The following TMEM272 variants were observed in gnomAD, a reference collection of about 807,000 sequenced individuals.
TMEM272 encodes the protein transmembrane protein 272, also known as long intergenic non-protein coding RNA 282.
In TMEM272, 8 loss-of-function variants were observed where a neutral mutation model predicts 3.7. The ratio of observed to expected loss-of-function variants is 2.17; its 90% CI spans 1.27 to 3.91. The LOEUF (loss-of-function observed/expected upper bound fraction) is 3.91. TMEM272 is among the 30% of genes most tolerant of loss of function. The pLI, the probability that TMEM272 is intolerant of heterozygous loss-of-function variation, is 0.00. For synonymous variants in TMEM272, 63 were observed against 39.8 expected, an observed-to-expected ratio of 1.58 and a Z score of -2.20; for missense variants, 166 against 91.5, an observed-to-expected ratio of 1.81 and a Z score of -3.32.
chr13:51,844,742 T>G (rs954796207), intron 1 of TMEM272, among the ~76,000 whole-genome samples: 1 of 152,128 alleles, frequency 6.6e-6, no homozygotes, highest in Non-Finnish European at 1.5e-5. Flanking sequence ...AGCCGGTAGG[T>G]TGTTTCTAAG....
the TMEM272 span, among the ~76,000 whole-genome samples, chr13:51,864,969 T>C: frequency 5.9e-4 from 90 of 152,362 alleles, no homozygotes; most frequent in African/African-American, 2.0e-3. Context: ...CATAGGCAGA[T>C]AGGAACAATT....
chr13:51,905,032 C>T, the TMEM272 span, among the ~76,000 whole-genome samples: 5 of 152,296 alleles, frequency 3.3e-5, no homozygotes, highest in Admixed American at 3.3e-4. Flanking sequence ...AGCACACCTC[C>T]AGTAGTTACT....
At chr13:51,870,581 A>G in the TMEM272 span, among the ~76,000 whole-genome samples, 1 of 152,236 alleles carries the variant, frequency 6.6e-6, no homozygotes, top group East Asian at 1.9e-4. Context: ...TCAGAAATCC[A>G]CAAGAACAAA....
chr13:51,853,954 T>C, the TMEM272 span, among the ~76,000 whole-genome samples: 1 of 152,250 alleles, frequency 6.6e-6, no homozygotes, highest in Admixed American at 6.5e-5. Context: ...TGAACATGCA[T>C]TACCTTGAAA....
the TMEM272 span, among the ~76,000 whole-genome samples, chr13:51,927,979 C>T: frequency 1.3e-5 from 2 of 152,234 alleles, no homozygotes; most frequent in South Asian, 4.2e-4. Flanking sequence ...GTTTTGAACT[C>T]GGGTCTGCCC....
At chr13:51,864,889 C>T in the TMEM272 span, among the ~76,000 whole-genome samples, 1 of 152,210 alleles carries the variant, frequency 6.6e-6, no homozygotes, top group Non-Finnish European at 1.5e-5. Context: ...TCCTCCTCCC[C>T]TCTGAGGTCA....
the TMEM272 span, chr13:51,865,863 C>A: frequency 1.4e-5 from 23 of 1,613,600 alleles, no homozygotes; most frequent in Non-Finnish European, 1.9e-5. Context: ...GAAGAAAAGG[C>A]CCTGTGGGTA....
chr13:51,826,975 C>A (rs994876865), intron 2 of TMEM272, among the ~76,000 whole-genome samples: 11 of 152,232 alleles, frequency 7.2e-5, no homozygotes, highest in African/African-American at 2.7e-4. Context: ...CTGAGCCAGG[C>A]AGGATTCACC....
At chr13:51,882,953 G>T in the TMEM272 span, among the ~76,000 whole-genome samples, 1 of 152,196 alleles carries the variant, frequency 6.6e-6, no homozygotes, top group African/African-American at 2.4e-5. Flanking sequence ...CTGGTGCCCT[G>T]GCCTGGTTCC....
At chr13:51,914,307 T>C in the TMEM272 span, among the ~76,000 whole-genome samples, 8 of 152,160 alleles carry the variant, frequency 5.3e-5, no homozygotes, top group African/African-American at 1.9e-4. Flanking sequence ...TTAAGCTCGT[T>C]TAATACATAG....
the TMEM272 span, chr13:51,862,208 C>T: frequency 6.6e-6 from 1 of 152,160 alleles, no homozygotes. Context: ...CAGGACTTAC[C>T]CCAGTGGGAA....
At chr13:51,845,321 G>C (rs545614914), upstream of TMEM272, 1 of 152,418 alleles carries the variant, frequency 6.6e-6, no homozygotes, top group South Asian at 2.1e-4. Context: ...TGGAAACATG[G>C]CCGACCCCTT....
At chr13:51,871,132 C>T in the TMEM272 span, among the ~76,000 whole-genome samples, 1 of 152,026 alleles carries the variant, frequency 6.6e-6, no homozygotes, top group Non-Finnish European at 1.5e-5. Context: ...CATCCCCACC[C>T]ACACTGAGTA....
the TMEM272 span, chr13:51,930,543 C>G: frequency 6.6e-6 from 1 of 152,192 alleles, no homozygotes; most frequent in Non-Finnish European, 1.5e-5. Context: ...ACCAAATCAG[C>G]TTCCTCACAC....
chr13:51,887,785 C>T, the TMEM272 span, among the ~76,000 whole-genome samples: 4 of 152,188 alleles, frequency 2.6e-5, no homozygotes, highest in Admixed American at 6.5e-5. Context: ...ACTTCCTTCT[C>T]CTCCCATTCT....
At chr13:51,924,708 C>A in the TMEM272 span, among the ~76,000 whole-genome samples, 1 of 152,152 alleles carries the variant, frequency 6.6e-6, no homozygotes, top group South Asian at 2.1e-4. Context: ...ACTCAGCCTA[C>A]TCATCCCCTT....
chr13:51,905,026 C>T, the TMEM272 span, among the ~76,000 whole-genome samples: 2 of 152,200 alleles, frequency 1.3e-5, no homozygotes, highest in African/African-American at 4.8e-5. Context: ...GCCAGTAGCA[C>T]ACCTCCAGTA....
the TMEM272 span, among the ~76,000 whole-genome samples, chr13:51,913,459 T>C: frequency 6.6e-6 from 1 of 152,246 alleles, no homozygotes; most frequent in Admixed American, 6.5e-5. Flanking sequence ...CCCTGCTCTC[T>C]AAGCCAGTGA....
Position 51,838,596 on chromosome 13 carries a change from T to C in TMEM272, c.-23-43A>G, listed in dbSNP as rs574463215. On this transcript the variant is annotated intron_variant, in intron 1 of 4. Transcript: ENST00000629372. ...TTCATTAGAAAGGATGGTGGAAGGA[T>C]TTACTCAGCACCAATAACCAACCCT... The C allele has an allele frequency of 1.6e-4, 113 of 703,006 alleles. No individual in the cohort carries two copies. The South Asian group carries it at 1.7e-3, about 10-fold the overall frequency. 43.5% of individuals were successfully genotyped at this position (703,006 alleles called of 1,614,324 possible).
Sources: allele counts gnomAD v4.1 joint callset (sites outside exome capture counted in the v4.1 genomes callset), GRCh38; gene constraint gnomAD v4.1.1; transcripts MANE v1.5; gene names NCBI Gene and HGNC (gene_info 2026-07-23, HGNC 2026-07-21).